Variants in PXDNL observed in about 807,000 individuals in gnomAD.
PXDNL encodes probable oxidoreductase PXDNL.
In PXDNL, 145 loss-of-function variants were observed where a neutral mutation model predicts 150.8. That is an observed-to-expected ratio of 0.96 (90% CI 0.84 to 1.10). The LOEUF (loss-of-function observed/expected upper bound fraction) is 1.10. PXDNL is among the 50% of genes least tolerant of loss of function. The probability of loss-of-function intolerance (pLI) is 0.00; values close to 1 mark genes in which losing one functional copy is unlikely to be tolerated. For synonymous variants in PXDNL, 757 were observed against 725.7 expected (o/e 1.04, Z -0.69); for missense variants, 2,087 against 1,873.9 (o/e 1.11, Z -2.10).
intron 2 of PXDNL, among the ~76,000 whole-genome samples, chr8:51,623,388 T>C (rs1348070804): frequency 6.6e-6 from 1 of 152,248 alleles, no homozygotes; most frequent in Non-Finnish European, 1.5e-5. Flanking sequence ...GAATTCTGTA[T>C]GCAAAGCACT....
chr8:51,368,916 A>C (rs1233736511), intron 19 of PXDNL, among the ~76,000 whole-genome samples: 1 of 152,148 alleles, frequency 6.6e-6, no homozygotes, highest in Non-Finnish European at 1.5e-5. Flanking sequence ...GAATCACTTG[A>C]ACCTGGGAGG....
At chr8:51,453,914 T>C in intron 9 of PXDNL, 129 bp from the exon 10 acceptor site, 1 of 779,416 alleles carries the variant, frequency 1.3e-6, no homozygotes, top group East Asian at 2.7e-5. Flanking sequence ...TACACATATA[T>C]ATATATACAC....
At chr8:51,739,734 G>C (rs1205073266) in intron 1 of PXDNL, among the ~76,000 whole-genome samples, 1 of 151,974 alleles carries the variant, frequency 6.6e-6, no homozygotes, top group Admixed American at 6.6e-5. Flanking sequence ...AAATTAGCTG[G>C]GCATGGTGGC....
chr8:51,747,026 G>A (rs1207121927), intron 1 of PXDNL, among the ~76,000 whole-genome samples: 1 of 152,088 alleles, frequency 6.6e-6, no homozygotes, highest in Non-Finnish European at 1.5e-5. Context: ...CAAGCCAAAT[G>A]TGCTGTTTTT....
chr8:51,645,117 C>A (rs1244186449), intron 2 of PXDNL, among the ~76,000 whole-genome samples: 1 of 152,070 alleles, frequency 6.6e-6, no homozygotes, highest in African/African-American at 2.4e-5. Flanking sequence ...GGTGCAGATT[C>A]CAGTTTTGAA....
At chr8:51,370,516 G>A (rs1231347157) in intron 19 of PXDNL, among the ~76,000 whole-genome samples, 2 of 152,160 alleles carry the variant, frequency 1.3e-5, no homozygotes, top group Non-Finnish European at 2.9e-5. Context: ...AAGAACTTGA[G>A]GTAAGGGAAA....
At chr8:51,370,808 G>A (rs2130780540) in intron 19 of PXDNL, among the ~76,000 whole-genome samples, 1 of 152,312 alleles carries the variant, frequency 6.6e-6, no homozygotes, top group Non-Finnish European at 1.5e-5. Context: ...TGTTGGCCAG[G>A]CTGGTCTTGA....
chr8:51,476,064 T>C (rs1202835668), intron 6 of PXDNL, among the ~76,000 whole-genome samples: 2 of 152,006 alleles, frequency 1.3e-5, no homozygotes, highest in African/African-American at 4.8e-5. Flanking sequence ...ACCACTGCAC[T>C]CCAGCCTGGG....
intron 1 of PXDNL, among the ~76,000 whole-genome samples, chr8:51,707,589 C>A (rs186070775): frequency 6.6e-6 from 1 of 152,160 alleles, no homozygotes; most frequent in South Asian, 2.1e-4. Flanking sequence ...TTTTGTTAAC[C>A]GCAGATACTG....
At chr8:51,417,894 T>G (rs1042895390) in intron 14 of PXDNL, among the ~76,000 whole-genome samples, 1 of 152,240 alleles carries the variant, frequency 6.6e-6, no homozygotes, top group African/African-American at 2.4e-5. Context: ...AGAGCTCCAC[T>G]GTTTTTTCAG....
chr8:51,762,357 C>T (rs1443740226), intron 1 of PXDNL, among the ~76,000 whole-genome samples: 1 of 152,206 alleles, frequency 6.6e-6, no homozygotes, highest in Non-Finnish European at 1.5e-5. Context: ...ATCCCCTTCC[C>T]CCTTTGTATT....
At chr8:51,760,845 C>CTTTTTTTTTTTTT (rs71237237) in intron 1 of PXDNL, among the ~76,000 whole-genome samples, 495 of 45,468 alleles carry the variant, frequency 0.011, 162 homozygotes, top group East Asian at 0.017. Context: ...ATCACTTAAA[C>CTTTTTTTTTTTTT]TTTTTTTTTT....
chr8:51,376,570 CTCTCT>C (rs1807315459), intron 17 of PXDNL, among the ~76,000 whole-genome samples: 2 of 152,276 alleles, frequency 1.3e-5, no homozygotes, highest in South Asian at 2.1e-4. Flanking sequence ...ATCTCTCTCT[CTCTCT>C]TAATTCCTAT....
chr8:51,809,327 G>C lies in PXDNL; in HGVS notation c.18C>G (p.Phe6Leu), dbSNP rs755089091. Residue 6 changes from phenylalanine (F) to leucine (L), a missense_variant, in exon 1 of 23, where the codon TTC (phenylalanine) becomes TTG (leucine). Phe to Leu is a conservative substitution (Grantham distance 22). Transcript: ENST00000356297. MEPRL[F>L]CWTTLFLLAG... ...CCAGGAGAAAGAGAGTGGTCCAGCA[G>C]AACAGTCTGGGCTCCATCGCTCCAT... 1 of 1,560,308 alleles carries C rather than the reference G, an allele frequency of 6.4e-7. No individual in the cohort carries two copies. Among genetic ancestry groups the C allele is most frequent in the Non-Finnish European group, 8.7e-7 (1 of 1,152,574 alleles).
intron 17 of PXDNL, among the ~76,000 whole-genome samples, chr8:51,377,031 G>A (rs1381933348): frequency 6.6e-6 from 1 of 151,590 alleles, no homozygotes; most frequent in Non-Finnish European, 1.5e-5. Context: ...TTCTCTTTAA[G>A]TGCTAGAGCA....
intron 1 of PXDNL, among the ~76,000 whole-genome samples, chr8:51,738,165 C>A (rs760307446): frequency 6.6e-6 from 1 of 152,218 alleles, no homozygotes; most frequent in Non-Finnish European, 1.5e-5. Flanking sequence ...ATATAGTGAG[C>A]TTTTAAAAGC....
At chr8:51,791,112 G>A (rs1028116458) in intron 1 of PXDNL, among the ~76,000 whole-genome samples, 1 of 152,142 alleles carries the variant, frequency 6.6e-6, no homozygotes, top group Non-Finnish European at 1.5e-5. Context: ...AAGACACACA[G>A]CTCATAAACT....
intron 1 of PXDNL, among the ~76,000 whole-genome samples, chr8:51,798,840 C>G (rs936448713): frequency 1.3e-5 from 2 of 152,060 alleles, no homozygotes; most frequent in Non-Finnish European, 2.9e-5. Flanking sequence ...GGGTATATAC[C>G]CAAAGGAATA....
At chr8:51,608,062 C>A (rs62505326) in intron 2 of PXDNL, among the ~76,000 whole-genome samples, 14,404 of 81,082 alleles carry the variant, frequency 0.18, 931 homozygotes, top group East Asian at 0.21. Flanking sequence ...AGAAAGCAAG[C>A]AAGCAAGCAA....
Sources: allele counts gnomAD v4.1 joint callset (sites outside exome capture counted in the v4.1 genomes callset), GRCh38; gene constraint gnomAD v4.1.1; transcripts MANE v1.5; gene names NCBI Gene and HGNC (gene_info 2026-07-23, HGNC 2026-07-21).